CMIP: variants seen among roughly 807,000 people sequenced by gnomAD.
CMIP encodes C-Maf-inducing protein.
In CMIP, 13 loss-of-function variants were observed where a neutral mutation model predicts 97.3. The ratio of observed to expected loss-of-function variants is 0.13; its 90% CI spans 0.09 to 0.21. CMIP has a LOEUF of 0.21. Ranked by LOEUF, CMIP falls within the 10% of genes least tolerant of loss-of-function variation. CMIP has a pLI of 1.00. For synonymous variants in CMIP, 538 were observed against 436.3 expected (o/e 1.23, Z -2.91); for missense variants, 847 against 1,024.9 (o/e 0.83, Z 2.37).
At chr16:81,594,780 A>ATTTTT (rs570057427) in intron 1 of CMIP, among the ~76,000 whole-genome samples, 10 of 115,068 alleles carry the variant, frequency 8.7e-5, no homozygotes, top group Admixed American at 1.8e-4. Flanking sequence ...CGCCCAGCTA[A>ATTTTT]TTTTTTTTTT....
At chr16:81,508,539 CTTTCAAGCAATGCCA>C (rs1212518899) in intron 1 of CMIP, among the ~76,000 whole-genome samples, 3 of 152,226 alleles carry the variant, frequency 2.0e-5, no homozygotes, top group African/African-American at 7.2e-5. Flanking sequence ...GCCTTTTACT[CTTTCAAGCAATGCCA>C]TGTGATTATC....
chr16:81,612,903 C>A (rs1222776433), intron 2 of CMIP, among the ~76,000 whole-genome samples: 1 of 152,140 alleles, frequency 6.6e-6, no homozygotes, highest in African/African-American at 2.4e-5. Context: ...CCAGCCATGC[C>A]TTATGTTCCC....
At chr16:81,639,600 A>G (rs2092279648) in intron 3 of CMIP, among the ~76,000 whole-genome samples, 1 of 152,240 alleles carries the variant, frequency 6.6e-6, no homozygotes, top group Non-Finnish European at 1.5e-5. Flanking sequence ...TTAAGACAGA[A>G]TAATGCTGCA....
In CMIP at chr16:81,445,290, G is replaced by C. The variant is rs1219773154; in HGVS notation, c.49G>C (p.Glu17Gln). The C allele has an allele frequency of 3.2e-6, 5 of 1,555,120 alleles. No individual in the cohort carries two copies. The highest frequency in any genetic ancestry group is 1.9e-5 in the Admixed American group (1 of 51,518). The change falls in exon 1 of 21, where the codon GAG (glutamate) becomes CAG (glutamine). Residue 17 changes from glutamate (E) to glutamine (Q), a missense_variant. By Grantham distance (29) the Glu-to-Gln change is conservative. This residue lies in a region of CMIP where 94 missense variants were observed against 79.9 expected (regional missense o/e 1.18). Transcript: ENST00000537098. ...CGGCGGCGGCGACCCCCGGCAGATCGAGGAGACCAAGCCGCTGCTGGGGGG... is the reference window on the plus strand; with the variant it reads ...CGGCGGCGGCGACCCCCGGCAGATCCAGGAGACCAAGCCGCTGCTGGGGGG... ...SGGGGDPRQI[E>Q]ETKPLLGGDV...
At chr16:81,482,621 C>T (rs1374373028) in intron 1 of CMIP, among the ~76,000 whole-genome samples, 1 of 152,114 alleles carries the variant, frequency 6.6e-6, no homozygotes, top group Non-Finnish European at 1.5e-5. Context: ...AAGCCCCTGC[C>T]CCTCCCCCAC....
At chr16:81,514,563 A>C (rs1409275421) in intron 1 of CMIP, among the ~76,000 whole-genome samples, 1 of 152,142 alleles carries the variant, frequency 6.6e-6, no homozygotes, top group African/African-American at 2.4e-5. Context: ...ACAGCCTATT[A>C]ATTAAGACTT....
chr16:81,565,899 C>G (rs972062315), intron 1 of CMIP, among the ~76,000 whole-genome samples: 1 of 152,186 alleles, frequency 6.6e-6, no homozygotes, highest in Admixed American at 6.5e-5. Flanking sequence ...GGAGCGGGCA[C>G]AGATGTCACG....
intron 1 of CMIP, among the ~76,000 whole-genome samples, chr16:81,522,611 A>T (rs990947699): frequency 1.3e-5 from 2 of 152,210 alleles, no homozygotes; most frequent in African/African-American, 2.4e-5. Flanking sequence ...TGATGTCAAG[A>T]TGCCTTCCAG....
chr16:81,689,263 CA>C (rs1387349288), intron 10 of CMIP, among the ~76,000 whole-genome samples: 2 of 152,248 alleles, frequency 1.3e-5, no homozygotes, highest in Admixed American at 1.3e-4. Flanking sequence ...AACTAGTTTA[CA>C]GTCCCACCAA....
intron 1 of CMIP, 25 bp downstream of exon 1, chr16:81,445,566 C>A (rs750731896): frequency 2.6e-4 from 396 of 1,534,002 alleles, no homozygotes; most frequent in Non-Finnish European, 3.3e-4. Context: ...GCGGCTGCAC[C>A]CCCGCCTCTC....
chr16:81,567,532 C>T (rs964025713), intron 1 of CMIP, among the ~76,000 whole-genome samples: 1 of 152,206 alleles, frequency 6.6e-6, no homozygotes, highest in African/African-American at 2.4e-5. Context: ...AGGGATGCCA[C>T]GTCTCTGGGC....
At chr16:81,699,928 C>T in intron 15 of CMIP, 127 bp downstream of exon 15, 1 of 634,116 alleles carries the variant, frequency 1.6e-6, no homozygotes. Flanking sequence ...GCGTGCAGTC[C>T]CAGCCGTCCT....
intron 1 of CMIP, among the ~76,000 whole-genome samples, chr16:81,574,179 G>T (rs953872987): frequency 6.6e-6 from 1 of 152,250 alleles, no homozygotes; most frequent in Non-Finnish European, 1.5e-5. Flanking sequence ...GTTGGGCCGC[G>T]CTAGTCTGGA....
At chr16:81,523,727 C>T (rs1415889155) in intron 1 of CMIP, among the ~76,000 whole-genome samples, 2 of 152,230 alleles carry the variant, frequency 1.3e-5, no homozygotes, top group Non-Finnish European at 2.9e-5. Context: ...GCCTGTTCTC[C>T]AACCACCTCG....
At chr16:81,465,982 C>T (rs989285885) in intron 1 of CMIP, among the ~76,000 whole-genome samples, 9 of 152,252 alleles carry the variant, frequency 5.9e-5, no homozygotes, top group South Asian at 4.1e-4. Flanking sequence ...GGCAAGAAGT[C>T]GATGATGAAA....
In CMIP at chr16:81,456,879, C is replaced by T. The variant is rs115497088; in HGVS notation, c.300+11338C>T. 4.0e-3 allele frequency among the ~76,000 whole-genome samples: 611 copies of T among 152,298 alleles called. 8 individuals are homozygous for T. The highest frequency in any genetic ancestry group is 0.014 in the African/African-American group (575 of 41,564). On this transcript the variant is annotated intron_variant, in intron 1 of 20. Coordinates refer to ENST00000537098, the MANE Select transcript of CMIP (RefSeq NM_198390.3). Reference sequence around the variant, plus strand: ...ACCCTGACTGCACTGGGGCCCCTTCCGGGAGCTTCCTGGGCCAGCTTCCTG... The same window carrying T: ...ACCCTGACTGCACTGGGGCCCCTTCTGGGAGCTTCCTGGGCCAGCTTCCTG...
chr16:81,687,269 C>G (rs1182167001), intron 10 of CMIP, among the ~76,000 whole-genome samples: 1 of 152,172 alleles, frequency 6.6e-6, no homozygotes, highest in Non-Finnish European at 1.5e-5. Context: ...AGACCTGGGC[C>G]CCTCCTGGGG....
At chr16:81,698,757 T>C (rs1326797774) in intron 14 of CMIP, among the ~76,000 whole-genome samples, 1 of 152,182 alleles carries the variant, frequency 6.6e-6, no homozygotes, top group Non-Finnish European at 1.5e-5. Context: ...CATTACACAC[T>C]GACTCCCCCT....
chr16:81,483,676 C>T (rs1404345671), intron 1 of CMIP, among the ~76,000 whole-genome samples: 10 of 152,218 alleles, frequency 6.6e-5, no homozygotes, highest in Non-Finnish European at 1.0e-4. Flanking sequence ...GGCCTGCTGC[C>T]TGGAGTAGCA....
Sources: allele counts gnomAD v4.1 joint callset (sites outside exome capture counted in the v4.1 genomes callset), GRCh38; gene constraint gnomAD v4.1.1; regional missense constraint gnomAD v4.1.1; transcripts MANE v1.5; gene names NCBI Gene and HGNC (gene_info 2026-07-23, HGNC 2026-07-21).